The following TRIP12 variants were observed in gnomAD, a reference collection of about 807,000 sequenced individuals.
TRIP12 encodes E3 ubiquitin-protein ligase TRIP12.
TRIP12 carries 25 observed loss-of-function variants against 244.2 expected under a neutral mutation model. The observed-to-expected ratio is 0.10, with a 90% CI of 0.07 to 0.14. The LOEUF is 0.14. Ranked by LOEUF, TRIP12 falls within the 10% of genes least tolerant of loss-of-function variation. The pLI is 1.00. For synonymous variants in TRIP12, 905 were observed against 873.1 expected, an observed-to-expected ratio of 1.04 and a Z score of -0.64; for missense variants, 1,677 against 2,486.4, an observed-to-expected ratio of 0.67 and a Z score of 6.92.
rs747444076 is a variant in TRIP12, at chr2:229,850,392, C to T, written c.1027+8380G>A. Among the ~76,000 whole-genome samples, 4 of 152,206 alleles carry T rather than the reference C, an allele frequency of 2.6e-5. No individual in the cohort carries two copies. In the East Asian group the frequency reaches 7.7e-4, roughly 29 times the overall value. On this transcript the variant is annotated intron_variant, in intron 4 of 41. Transcript: ENST00000675903. ...TCTAAACTTTTAAGTTGCTAAATTA[C>T]TTTAATAGCTGCCTTGTAATATAGA...
In TRIP12 at chr2:229,779,101, G is replaced by A. The variant is rs559245393; in HGVS notation, c.5095-111C>T. The A allele has an allele frequency of 1.4e-5, 12 of 859,340 alleles. No homozygotes were observed. In the African/African-American group the frequency reaches 2.0e-4, roughly 15 times the overall value. The allele number at this position is 859,340 out of a possible 1,614,324, so 53.2% of individuals were successfully genotyped here. A position where few individuals can be genotyped will look rare whatever the true frequency, so the allele number is the denominator to read the frequency against. On this transcript the variant is annotated intron_variant, in intron 34 of 41. Transcript: ENST00000675903. Reference sequence around the variant, plus strand: ...AGCAACTGTTTACCAGGATGCATTAGAGATTATTTTCCAAAATGTCCTGGC... The same window carrying A: ...AGCAACTGTTTACCAGGATGCATTAAAGATTATTTTCCAAAATGTCCTGGC...
chr2:229,897,074 G>A (rs771230999), intron 1 of TRIP12, among the ~76,000 whole-genome samples: 61 of 152,274 alleles, frequency 4.0e-4, no homozygotes, highest in Non-Finnish European at 8.1e-4. Flanking sequence ...AGGGGTAGAG[G>A]AGTGTACAGG....
At chr2:229,868,523 T>G (rs2061961125) in intron 2 of TRIP12, among the ~76,000 whole-genome samples, 1 of 152,140 alleles carries the variant, frequency 6.6e-6, no homozygotes. Context: ...TAAATACCTT[T>G]AAAAAGTGGC....
chr2:229,797,733 ACAT>A lies in TRIP12; in HGVS notation c.3578_3580del (p.Asn1193_Val1194delinsIle). 1 of 1,613,970 alleles carries A rather than the reference ACAT, an allele frequency of 6.2e-7. No homozygotes were observed. The highest frequency in any genetic ancestry group is 1.1e-5 in the South Asian group (1 of 91,006). Reference sequence around the variant, plus strand: ...GGTTGCAGCACAAAGTCTCTGAAGGACATTCAATGCAGGGTTGCTTCCATCCAT... The same window carrying A: ...GGTTGCAGCACAAAGTCTCTGAAGGATCAATGCAGGGTTGCTTCCATCCAT... On this transcript the variant is annotated inframe_deletion, in exon 24 of 42. Coordinates refer to ENST00000675903, the MANE Select transcript of TRIP12 (RefSeq NM_001348323.3).
intron 32 of TRIP12, 66 bp from the exon 33 acceptor site, chr2:229,787,727 C>A: frequency 1.4e-6 from 2 of 1,387,612 alleles, no homozygotes; most frequent in South Asian, 1.5e-5. Flanking sequence ...AAAAAAAATC[C>A]AAACTTATAT....
chr2:229,853,790 G>T (rs1244614535), intron 4 of TRIP12, among the ~76,000 whole-genome samples: 2 of 152,024 alleles, frequency 1.3e-5, no homozygotes, highest in African/African-American at 4.8e-5. Flanking sequence ...AAACAACTTT[G>T]AAAATCTTTC....
chr2:229,922,086 C>T (rs1008955613), upstream of TRIP12: 3 of 162,420 alleles, frequency 1.8e-5, no homozygotes, highest in Non-Finnish European at 2.7e-5. Flanking sequence ...ACTACTTTGT[C>T]CTCGGGCTCC....
chr2:229,880,063 T>C lies in TRIP12; in HGVS notation c.17A>G (p.Asn6Ser). 2.5e-6 allele frequency: 4 copies of C among 1,614,162 alleles called. No individual in the cohort carries two copies. Among genetic ancestry groups the C allele is most frequent in the Non-Finnish European group, 2.5e-6 (3 of 1,180,022 alleles). Residue 6 changes from asparagine to serine, a missense_variant, in exon 2 of 42, where the codon AAT becomes AGT. Coordinates refer to ENST00000675903, the MANE Select transcript of TRIP12 (RefSeq NM_001348323.3). The part of the protein sequence containing the change: MSNRP[N>S]NNPGGSLRRS... ...TCGCAGTGACCCCCCTGGATTGTTATTAGGCCGGTTGGACATTGGCACCTC... is the reference window on the plus strand; with the variant it reads ...TCGCAGTGACCCCCCTGGATTGTTACTAGGCCGGTTGGACATTGGCACCTC...
Position 229,799,402 on chromosome 2 carries a change from G to A in TRIP12, c.3207-19C>T, listed in dbSNP as rs775316548. The A allele has an allele frequency of 1.2e-6, 2 of 1,602,386 alleles. No homozygotes were observed. Among genetic ancestry groups the A allele is most frequent in the Middle Eastern group, 1.7e-4 (1 of 6,040 alleles). On this transcript the variant is annotated intron_variant, in intron 21 of 41. Transcript: ENST00000675903. ...TAATCGACTGTCCATGGGAAAATAT[G>A]AGATAAGTTTAGCAATTACCACTGT...
In TRIP12 at chr2:229,867,782, T is replaced by C. The variant is rs147490782; in HGVS notation, c.99-7251A>G. Among the ~76,000 whole-genome samples, 9 of 152,340 alleles carry C rather than the reference T, an allele frequency of 5.9e-5. No homozygotes were observed. In the South Asian group the frequency reaches 1.7e-3, roughly 28 times the overall value. ...ATCTATGGCAGCTGACAATTTCTTA[T>C]AGGTTTTCCAGTATGCTTATGATGT... On this transcript the variant is annotated intron_variant, in intron 2 of 41. Transcript: ENST00000675903.
chr2:229,777,299 T>C lies in TRIP12; in HGVS notation c.5529+16A>G. ...AATAAAGACTTGATCTACTGGACTG[T>C]TTCTTCTAAGCCTACCTGGGATTTA... On this transcript the variant is annotated intron_variant, in intron 37 of 41. Transcript: ENST00000675903. 1.9e-6 allele frequency: 3 copies of C among 1,609,740 alleles called. No homozygotes were observed. The highest frequency in any genetic ancestry group is 2.5e-6 in the Non-Finnish European group (3 of 1,176,884).
intron 4 of TRIP12, among the ~76,000 whole-genome samples, chr2:229,850,950 C>T (rs1391755276): frequency 6.6e-6 from 1 of 152,246 alleles, no homozygotes; most frequent in African/African-American, 2.4e-5. Context: ...TAGCTGCCTT[C>T]CCGCAGCGCA....
Position 229,888,725 on chromosome 2 carries a change from C to T in TRIP12, c.-49-8597G>A, listed in dbSNP as rs567669539. ...GGCTGAGGTGGAAGGACTGCTTGAG[C>T]CCAGGATGCGGAGGTTGCAGCGAGC... On this transcript the variant is annotated intron_variant, in intron 1 of 41. Transcript: ENST00000675903. Among the ~76,000 whole-genome samples, 55 of 152,238 alleles carry T rather than the reference C, an allele frequency of 3.6e-4. 1 individual carries two copies. The highest frequency in any genetic ancestry group is 5.3e-4 in the Non-Finnish European group (36 of 68,020).
Position 229,854,990 on chromosome 2 carries a change from A to C in TRIP12, c.1027+3782T>G, listed in dbSNP as rs368380590. Among the ~76,000 whole-genome samples, 20 of 152,348 alleles carry C rather than the reference A, an allele frequency of 1.3e-4. No individual in the cohort carries two copies. In the East Asian group the frequency reaches 2.7e-3, roughly 21 times the overall value. On this transcript the variant is annotated intron_variant, in intron 4 of 41. Coordinates refer to ENST00000675903, the MANE Select transcript of TRIP12 (RefSeq NM_001348323.3). ...AATACTTGCCACACAAAGGCTAGGC[A>C]CAGTAGCTTATGCCTGTAATCCCAG...
At chr2:229,891,670 G>C (rs958868302) in intron 1 of TRIP12, among the ~76,000 whole-genome samples, 1 of 152,156 alleles carries the variant, frequency 6.6e-6, no homozygotes, top group African/African-American at 2.4e-5. Flanking sequence ...TATTTTTCTA[G>C]TATCAGCTAG....
Position 229,797,736 on chromosome 2 carries a change from T to G in TRIP12, c.3578A>C (p.Asn1193Thr). The G allele has an allele frequency of 6.2e-7, 1 of 1,613,936 alleles. No homozygotes were observed. The highest frequency in any genetic ancestry group is 2.2e-5 in the East Asian group (1 of 44,868). ...ENMDGSNPALNVLQRLCAATE... is the reference protein window; with the variant it reads ...ENMDGSNPALTVLQRLCAATE... Reference sequence around the variant, plus strand: ...TGCAGCACAAAGTCTCTGAAGGACATTCAATGCAGGGTTGCTTCCATCCAT... The same window carrying G: ...TGCAGCACAAAGTCTCTGAAGGACAGTCAATGCAGGGTTGCTTCCATCCAT... Residue 1193 changes from asparagine (N) to threonine (T), a missense_variant, in exon 24 of 42, where the codon AAT (asparagine) becomes ACT (threonine). Asn to Thr is a moderately conservative substitution (Grantham distance 65). Coordinates refer to ENST00000675903, the MANE Select transcript of TRIP12 (RefSeq NM_001348323.3).
At chr2:229,812,592 G>A (rs1219610504) in intron 13 of TRIP12, among the ~76,000 whole-genome samples, 1 of 152,064 alleles carries the variant, frequency 6.6e-6, no homozygotes, top group Non-Finnish European at 1.5e-5. Flanking sequence ...GATCACTTGA[G>A]TGCAGGAGTT....
chr2:229,812,900 A>C (rs2047615460), intron 13 of TRIP12, among the ~76,000 whole-genome samples: 1 of 152,226 alleles, frequency 6.6e-6, no homozygotes, highest in African/African-American at 2.4e-5. Flanking sequence ...TGTAATGGCA[A>C]TTTTAAAGCC....
At chr2:229,804,493 C>T (rs906160225) in intron 18 of TRIP12, among the ~76,000 whole-genome samples, 2 of 152,118 alleles carry the variant, frequency 1.3e-5, no homozygotes, top group African/African-American at 2.4e-5. Flanking sequence ...CCGCACTGTA[C>T]CTCTTTATTT....
Sources: gnomAD v4.1 joint callset for allele counts (sites outside exome capture counted in the v4.1 genomes callset) on GRCh38, gnomAD v4.1.1 for gene constraint, MANE v1.5 for transcripts, NCBI Gene and HGNC (gene_info 2026-07-23, HGNC 2026-07-21) for gene names.